Variants in MDGA2 observed in about 807,000 individuals in gnomAD.
MDGA2 encodes MAM domain containing glycosylphosphatidylinositol anchor 2, also known as MAM domain-containing glycosylphosphatidylinositol anchor protein 2.
Under a neutral mutation model 117.8 loss-of-function variants are expected in MDGA2, and 40 were observed. The observed-to-expected ratio is 0.34, with a 90% CI of 0.26 to 0.44. The LOEUF (loss-of-function observed/expected upper bound fraction) is 0.44, where lower values mean the gene tolerates loss of function less well. Ranked by LOEUF, MDGA2 falls within the 20% of genes least tolerant of loss-of-function variation. The pLI, the probability that MDGA2 is intolerant of heterozygous loss-of-function variation, is 1.00. For synonymous variants in MDGA2, 452 were observed against 439.0 expected (o/e 1.03, Z -0.37); for missense variants, 1,123 against 1,250.6 (o/e 0.90, Z 1.54).
chr14:47,380,904 C>T (rs1442569961), intron 1 of MDGA2, among the ~76,000 whole-genome samples: 1 of 151,800 alleles, frequency 6.6e-6, no homozygotes, highest in Non-Finnish European at 1.5e-5. Flanking sequence ...CAGAGACACA[C>T]AAAAAAAGAG....
intron 1 of MDGA2, among the ~76,000 whole-genome samples, chr14:47,401,373 C>A (rs1453749412): frequency 6.6e-6 from 1 of 152,062 alleles, no homozygotes; most frequent in Non-Finnish European, 1.5e-5. Context: ...GATTAAGATT[C>A]CGAGCTATTA....
chr14:47,280,676 T>A (rs1888457740), intron 2 of MDGA2, among the ~76,000 whole-genome samples: 1 of 152,060 alleles, frequency 6.6e-6, no homozygotes, highest in Admixed American at 6.5e-5. Context: ...ATGTTCATCA[T>A]ATTATACTAA....
chr14:46,908,465 T>C (rs1391500523), intron 10 of MDGA2, among the ~76,000 whole-genome samples: 2 of 152,154 alleles, frequency 1.3e-5, no homozygotes, highest in Admixed American at 1.3e-4. Flanking sequence ...GTAGTATTGA[T>C]TGAAACATTT....
chr14:47,545,189 A>G (rs954660476), intron 1 of MDGA2, among the ~76,000 whole-genome samples: 1 of 152,214 alleles, frequency 6.6e-6, no homozygotes, highest in Non-Finnish European at 1.5e-5. Context: ...GCTGTGTTTA[A>G]TACTTGTGCA....
chr14:46,913,030 A>G (rs1883764964), intron 10 of MDGA2, among the ~76,000 whole-genome samples: 1 of 152,074 alleles, frequency 6.6e-6, no homozygotes, highest in Non-Finnish European at 1.5e-5. Flanking sequence ...TCTCATCTCT[A>G]TATGTTTAAT....
intron 2 of MDGA2, among the ~76,000 whole-genome samples, chr14:47,290,619 C>A (rs1025120694): frequency 6.6e-6 from 1 of 151,850 alleles, no homozygotes; most frequent in Non-Finnish European, 1.5e-5. Flanking sequence ...AATAAAAGTA[C>A]AATAATTCTG....
At chr14:47,336,963 T>C (rs12893855) in intron 1 of MDGA2, among the ~76,000 whole-genome samples, 13,857 of 152,036 alleles carry the variant, frequency 0.091, 706 homozygotes, top group Middle Eastern at 0.13. Context: ...CATTCTTTCA[T>C]TTCTTCTTTT....
intron 2 of MDGA2, among the ~76,000 whole-genome samples, chr14:47,252,112 T>C (rs538893253): frequency 6.6e-6 from 1 of 152,186 alleles, no homozygotes; most frequent in East Asian, 1.9e-4. Flanking sequence ...GATGGTAAAA[T>C]AGTGGTCACT....
intron 1 of MDGA2, among the ~76,000 whole-genome samples, chr14:47,504,779 A>T (rs73260189): frequency 0.031 from 4,772 of 152,304 alleles, 254 homozygotes; most frequent in African/African-American, 0.11. Flanking sequence ...TATGGAAAAC[A>T]GTACGGAAGT....
intron 1 of MDGA2, among the ~76,000 whole-genome samples, chr14:47,502,072 A>T (rs1308519490): frequency 1.3e-5 from 2 of 152,210 alleles, no homozygotes; most frequent in Non-Finnish European, 2.9e-5. Flanking sequence ...AGAATTAATT[A>T]TGCTATATTA....
chr14:46,899,731 G>T (rs1191996560), intron 10 of MDGA2, among the ~76,000 whole-genome samples: 1 of 151,992 alleles, frequency 6.6e-6, no homozygotes, highest in African/African-American at 2.4e-5. Flanking sequence ...GTTGCTAGTT[G>T]GCAAAATATA....
intron 1 of MDGA2, among the ~76,000 whole-genome samples, chr14:47,374,619 T>C (rs1433281838): frequency 1.3e-5 from 2 of 152,090 alleles, no homozygotes; most frequent in Non-Finnish European, 2.9e-5. Flanking sequence ...CATTTTGAAA[T>C]GAAACATCAA....
chr14:47,434,414 G>A (rs1162582407), intron 1 of MDGA2, among the ~76,000 whole-genome samples: 2 of 152,030 alleles, frequency 1.3e-5, no homozygotes, highest in African/African-American at 4.8e-5. Flanking sequence ...TTGTAGCATT[G>A]TGAAACTTTG....
At chr14:47,197,636 C>G (rs1319294427) in intron 3 of MDGA2, among the ~76,000 whole-genome samples, 1 of 152,128 alleles carries the variant, frequency 6.6e-6, no homozygotes, top group Non-Finnish European at 1.5e-5. Context: ...GTAGGCTGGG[C>G]CTGGTGGTTT....
rs577916119 is a variant in MDGA2 at position 47,139,041 on chromosome 14, T to G, written c.792+5037A>C. Among the ~76,000 whole-genome samples the G allele has an allele frequency of 1.3e-3, 203 of 152,234 alleles. 1 individual carries two copies. Among genetic ancestry groups the G allele is most frequent in the African/African-American group, 4.6e-3 (192 of 41,576 alleles). ...AATTGCTATAGTTATTAACATATAA[T>G]GAATGGGTATACAAAATAGATATAT... On this transcript the variant is annotated intron_variant, in intron 4 of 16. Coordinates refer to ENST00000399232, the MANE Select transcript of MDGA2 (RefSeq NM_001113498.3).
At chr14:46,973,447 C>A (rs1368783943) in intron 8 of MDGA2, among the ~76,000 whole-genome samples, 1 of 152,064 alleles carries the variant, frequency 6.6e-6, no homozygotes, top group African/African-American at 2.4e-5. Context: ...GCTTGCAGAT[C>A]AGCCCCTTTG....
At chr14:47,612,490 G>T (rs1896870006) in intron 1 of MDGA2, among the ~76,000 whole-genome samples, 1 of 152,044 alleles carries the variant, frequency 6.6e-6, no homozygotes, top group African/African-American at 2.4e-5. Context: ...TTCTTAAGCT[G>T]CTCAAAGTTC....
intron 2 of MDGA2, among the ~76,000 whole-genome samples, chr14:47,291,861 GT>G (rs550848372): frequency 4.6e-5 from 7 of 152,186 alleles, no homozygotes; most frequent in Non-Finnish European, 7.3e-5. Flanking sequence ...AGACAATCAA[GT>G]TCCTTGTGCA....
intron 8 of MDGA2, among the ~76,000 whole-genome samples, chr14:46,995,570 T>C (rs1887258505): frequency 6.6e-6 from 1 of 152,120 alleles, no homozygotes; most frequent in Non-Finnish European, 1.5e-5. Flanking sequence ...TTTTTGACTA[T>C]ACATTTTGCT....
Sources: gnomAD v4.1 joint callset for allele counts (sites outside exome capture counted in the v4.1 genomes callset) on GRCh38, gnomAD v4.1.1 for gene constraint, MANE v1.5 for transcripts, NCBI Gene and HGNC (gene_info 2026-07-23, HGNC 2026-07-21) for gene names.